TAF1: variants seen among roughly 807,000 people sequenced by gnomAD.
TAF1 encodes the protein TATA-box binding protein associated factor 1.
Under a neutral mutation model 138.5 loss-of-function variants are expected in TAF1, and 2 were observed. The observed-to-expected ratio is 0.01, with a 90% CI of 0.01 to 0.05. TAF1 has a LOEUF of 0.05. TAF1 is among the 10% of genes least tolerant of loss of function. TAF1 has a pLI of 1.00. For synonymous variants in TAF1, 437 were observed against 503.2 expected, an observed-to-expected ratio of 0.87 and a Z score of 1.76; for missense variants, 709 against 1,478.0, an observed-to-expected ratio of 0.48 and a Z score of 8.53.
At position 71,393,489 on chromosome X, in the gene TAF1, A is replaced by G. The variant is rs1453612327; in HGVS notation, c.3227+13A>G. 2 of 1,167,816 alleles carry G rather than the reference A, an allele frequency of 1.7e-6. No individual in the cohort carries two copies. Among genetic ancestry groups the G allele is most frequent in the East Asian group, 3.0e-5 (1 of 33,216 alleles). On this transcript the variant is annotated intron_variant, in intron 21 of 37. Transcript: ENST00000423759. ...ACCTACAGAACAAGTGGGTCGTTTT[A>G]GTGCTGCAGAAAATCCAAGCTGGAA...
chrX:71,401,632 A>C lies in TAF1; in HGVS notation c.3891A>C (p.Thr1297=). The C allele has an allele frequency of 8.3e-7, 1 of 1,212,005 alleles. No homozygotes were observed. Among genetic ancestry groups the C allele is most frequent in the South Asian group, 1.8e-5 (1 of 57,006 alleles). ...NAPPSNPVAM[T]EEQEEELEKT... ...CACCTTCCAACCCTGTTGCCATGAC[A>C]GAAGAACAGGAGGAGGAGTTGGAAA... is the stretch of plus-strand genomic sequence containing the variant. Residue 1297 remains threonine, a synonymous_variant, in exon 25 of 38, where the codon ACA becomes ACC. Transcript: ENST00000423759.
chrX:71,486,635 C>T (rs1206340338), intron 13 of TAF1, among the ~76,000 whole-genome samples: 1 of 109,731 alleles, frequency 9.1e-6, no homozygotes, highest in African/African-American at 3.3e-5. Flanking sequence ...CCGGCGTGAG[C>T]CATCAAGCTT....
intron 1 of TAF1, 138 bp from the exon 2 acceptor site, chrX:71,367,361 G>T: frequency 1.5e-6 from 1 of 678,836 alleles, no homozygotes; most frequent in Non-Finnish European, 2.3e-6. Flanking sequence ...GTTCTCGAAC[G>T]TGTTGCTTGT....
intron 32 of TAF1, among the ~76,000 whole-genome samples, chrX:71,449,876 G>A (rs1010722273): frequency 2.7e-5 from 3 of 111,594 alleles, no homozygotes; most frequent in Non-Finnish European, 5.6e-5. Flanking sequence ...GGGCTCAACC[G>A]ATCCCCTCGC....
At chrX:71,451,841 T>C (rs2037981482) in intron 32 of TAF1, among the ~76,000 whole-genome samples, 1 of 111,982 alleles carries the variant, frequency 8.9e-6, no homozygotes, top group Admixed American at 9.4e-5. Flanking sequence ...TTTTTCTTAG[T>C]ACAGAACAAA....
downstream of TAF1, among the ~76,000 whole-genome samples, chrX:71,469,233 A>G (rs914555597): frequency 2.7e-5 from 3 of 111,848 alleles, no homozygotes; most frequent in Non-Finnish European, 5.6e-5. Context: ...TTAAGGCTGC[A>G]GTGAGCTATG....
chrX:71,485,828 T>G (rs1382580040), intron 13 of TAF1, among the ~76,000 whole-genome samples: 1 of 111,395 alleles, frequency 9.0e-6, no homozygotes, highest in African/African-American at 3.3e-5. Flanking sequence ...TGTTGTTTAA[T>G]GCACAAAATT....
rs375746213 is a variant in TAF1, at chrX:71,454,850, C to T, written c.4931C>T (p.Thr1644Met). Residue 1644 changes from threonine (T) to methionine (M), a missense_variant, in exon 34 of 38, where the codon ACG becomes ATG. By Grantham distance (81) the Thr-to-Met change is moderately conservative. This residue lies in a region of TAF1 where 6 missense variants were observed against 30.2 expected (regional missense o/e 0.20). Transcript: ENST00000423759. ...SLDPMTPGPY[T>M]PQPPDLYDTN... ...GACCCAATGACCCCAGGGCCCTACA[C>T]GCCTCAGGTGAGTCTGAGGACTAAG... The T allele has an allele frequency of 2.2e-5, 26 of 1,206,849 alleles. No individual in the cohort carries two copies. Among genetic ancestry groups the T allele is most frequent in the Non-Finnish European group, 2.7e-5 (24 of 893,506 alleles).
chrX:71,518,610 G>A (rs2039864528), intron 13 of TAF1, among the ~76,000 whole-genome samples: 1 of 108,552 alleles, frequency 9.2e-6, no homozygotes. Context: ...GATTGCAAGT[G>A]TTAATTTCAT....
chrX:71,377,647 A>G lies in TAF1; in HGVS notation c.759A>G (p.Pro253=). 1 of 1,211,670 alleles carries G rather than the reference A, an allele frequency of 8.3e-7. No individual in the cohort carries two copies. ...LRLFGPGKNV[P]SVWRSARRKR... Reference sequence around the variant, plus strand: ...TTTTTGGACCAGGGAAGAATGTCCCATCTGTTTGGCGGAGTGCTCGGAGAA... The same window carrying G: ...TTTTTGGACCAGGGAAGAATGTCCCGTCTGTTTGGCGGAGTGCTCGGAGAA... The change falls in exon 6 of 38, where the codon CCA becomes CCG. Residue 253 remains proline (P), a synonymous_variant. Transcript: ENST00000423759.
intron 12 of TAF1, among the ~76,000 whole-genome samples, chrX:71,383,645 T>C (rs1035362657): frequency 3.6e-5 from 4 of 112,057 alleles, no homozygotes; most frequent in Non-Finnish European, 7.5e-5. Context: ...GTAAATGCTA[T>C]GTGAATAGTT....
chrX:71,403,184 A>G (rs1046664963), intron 25 of TAF1, among the ~76,000 whole-genome samples: 1 of 109,943 alleles, frequency 9.1e-6, no homozygotes, highest in African/African-American at 3.3e-5. Flanking sequence ...GTGCAGTACC[A>G]CACCTGGCTA....
At chrX:71,471,344 T>TACACACAC (rs1423713606) in intron 13 of TAF1, among the ~76,000 whole-genome samples, 3 of 101,389 alleles carry the variant, frequency 3.0e-5, no homozygotes, top group Non-Finnish European at 3.9e-5. Context: ...TATATATATA[T>TACACACAC]ATACACACAC....
intron 13 of TAF1, among the ~76,000 whole-genome samples, chrX:71,483,328 C>CT (rs1254344381): frequency 2.8e-5 from 3 of 108,730 alleles, no homozygotes; most frequent in African/African-American, 1.0e-4. Context: ...GAAGCAACTA[C>CT]TCATCCATTC....
intron 32 of TAF1, among the ~76,000 whole-genome samples, chrX:71,435,265 A>G (rs2037083098): frequency 1.8e-5 from 2 of 112,250 alleles, no homozygotes; most frequent in Non-Finnish European, 3.8e-5. Flanking sequence ...CCTTGTCCCC[A>G]ACTTTTGAGT....
intron 18 of TAF1, among the ~76,000 whole-genome samples, chrX:71,390,452 T>TC (rs764238450): frequency 7.9e-4 from 89 of 112,166 alleles, no homozygotes; most frequent in Non-Finnish European, 1.5e-3. Flanking sequence ...CCTGGACTTT[T>TC]CCCCTCATTC....
chrX:71,481,833 A>T (rs2039078676), intron 13 of TAF1, among the ~76,000 whole-genome samples: 1 of 112,466 alleles, frequency 8.9e-6, no homozygotes, highest in African/African-American at 3.2e-5. Context: ...CTGGGATTAC[A>T]GGCATGAGCC....
chrX:71,435,751 T>C lies in TAF1; in HGVS notation c.4753+11513T>C, dbSNP rs182102234. Among the ~76,000 whole-genome samples, 184 of 111,719 alleles carry C rather than the reference T, an allele frequency of 1.6e-3. 1 individual carries two copies. Among genetic ancestry groups the C allele is most frequent in the Non-Finnish European group, 2.7e-3 (146 of 53,171 alleles). On this transcript the variant is annotated intron_variant, in intron 32 of 37. Coordinates refer to ENST00000423759, the MANE Select transcript of TAF1 (RefSeq NM_004606.5). ...GTTTAGTTTTATGGTATTTCTGACA[T>C]ACGGAAACTTCATATGCATACATTT...
chrX:71,510,468 C>T (rs1254567640), intron 13 of TAF1, among the ~76,000 whole-genome samples: 1 of 112,007 alleles, frequency 8.9e-6, no homozygotes, highest in African/African-American at 3.2e-5. Flanking sequence ...ATAACATGGA[C>T]ATTCTTCCAT....
Sources: gnomAD v4.1 joint callset for allele counts (sites outside exome capture counted in the v4.1 genomes callset) on GRCh38, gnomAD v4.1.1 for gene constraint, gnomAD v4.1.1 regional missense constraint, MANE v1.5 for transcripts, NCBI Gene and HGNC (gene_info 2026-07-23, HGNC 2026-07-21) for gene names.